The following CELF2 variants were observed in gnomAD, a reference collection of about 807,000 sequenced individuals.
The protein encoded by CELF2 is CUG triplet repeat RNA-binding protein 2.
In CELF2, 8 loss-of-function variants were observed where a neutral mutation model predicts 62.6. That is an observed-to-expected ratio of 0.13 (90% CI 0.07 to 0.23). The LOEUF is 0.23. Among genes scored for constraint, CELF2 ranks in the 10% least tolerant of loss-of-function variants. The pLI is 1.00. For missense variants in CELF2, 333 were observed against 671.0 expected (o/e 0.50, Z 5.56); for synonymous variants, 258 against 250.0 (o/e 1.03, Z -0.30).
At chr10:10,946,947 C>T (rs1031367663) in intron 2 of CELF2, 1 of 152,228 alleles carries the variant, frequency 6.6e-6, no homozygotes, top group African/African-American at 2.4e-5. Context: ...TTGAGTCTCT[C>T]TTCTGCCAAG....
intron 3 of CELF2, among the ~76,000 whole-genome samples, chr10:11,248,945 G>A (rs1589811193): frequency 6.6e-6 from 1 of 152,216 alleles, no homozygotes. Flanking sequence ...AATATGTTCT[G>A]TGTTACAGGG....
At chr10:11,118,087 T>G (rs1470354417) in intron 1 of CELF2, among the ~76,000 whole-genome samples, 1 of 152,190 alleles carries the variant, frequency 6.6e-6, no homozygotes, top group African/African-American at 2.4e-5. Context: ...TTTTTAGTTT[T>G]GCAGAAGTAT....
Position 10,927,426 on chromosome 10 carries a change from C to G in CELF2, c.89+7427C>G, listed in dbSNP as rs564995137. 5.6e-4 allele frequency among the ~76,000 whole-genome samples: 82 copies of G among 146,902 alleles called. 1 individual carries two copies. The highest frequency in any genetic ancestry group is 1.2e-4 in the Non-Finnish European group (8 of 66,980). On this transcript the variant is annotated intron_variant, in intron 2 of 13. Transcript: ENST00000636488. Reference sequence around the variant, plus strand: ...TGTTGGCTCAACCTCCAAAATGTATCTTTATTTATTTATTTTTTTTGAAAT... The same window carrying G: ...TGTTGGCTCAACCTCCAAAATGTATGTTTATTTATTTATTTTTTTTGAAAT...
the CELF2 span, among the ~76,000 whole-genome samples, chr10:10,691,408 G>C: frequency 9.8e-4 from 143 of 145,972 alleles, no homozygotes; most frequent in East Asian, 6.9e-3. Flanking sequence ...GTCTATCATT[G>C]TTGGACATTT....
In CELF2 at chr10:11,285,826, G is replaced by GGTGT. The variant is rs71378788; in HGVS notation, c.842-2543_842-2540dup. Reference sequence around the variant, plus strand: ...TTGCTCATCACCTACTATATATATTGGTGTGTGTGTGTGTGTGTGTGTGTG... The same window carrying GGTGT: ...TTGCTCATCACCTACTATATATATTGGTGTGTGTGTGTGTGTGTGTGTGTGTGTG... On this transcript the variant is annotated intron_variant, in intron 8 of 12. Transcript: ENST00000633077. The surrounding 1 kb of genome is among the most constrained non-coding windows in gnomAD (Gnocchi z 4.3). Among the ~76,000 whole-genome samples, 24 of 128,788 alleles carry GGTGT rather than the reference G, an allele frequency of 1.9e-4. No individual in the cohort carries two copies. The highest frequency in any genetic ancestry group is 5.6e-4 in the African/African-American group (19 of 34,028). The allele number at this position is 128,788 out of a possible 152,430, so 84.5% of individuals were successfully genotyped here.
At chr10:11,185,718 A>G (rs2074691467) in intron 2 of CELF2, among the ~76,000 whole-genome samples, 1 of 152,210 alleles carries the variant, frequency 6.6e-6, no homozygotes, top group Admixed American at 6.5e-5. Context: ...CTGGCTGGTC[A>G]TAATGATTTT....
intron 1 of CELF2, among the ~76,000 whole-genome samples, chr10:11,051,721 G>A (rs1397905651): frequency 6.6e-6 from 1 of 152,238 alleles, no homozygotes; most frequent in Non-Finnish European, 1.5e-5. Context: ...CAGGGGACCC[G>A]ATTTGACTGG....
chr10:10,679,219 C>T, the CELF2 span, among the ~76,000 whole-genome samples: 1 of 152,150 alleles, frequency 6.6e-6, no homozygotes, highest in African/African-American at 2.4e-5. Context: ...TTAGTGACTG[C>T]TCTCTTCATG....
intron 1 of CELF2, chr10:11,164,969 C>A: frequency 1.4e-6 from 1 of 731,884 alleles, no homozygotes; most frequent in Non-Finnish European, 1.7e-6. Context: ...CCAAGTGTTT[C>A]ATTTTCTTTC....
In CELF2 at chr10:11,311,062, A is replaced by G. The variant is rs2094536118; in HGVS notation, c.977-3077A>G. Among the ~76,000 whole-genome samples the G allele has an allele frequency of 6.6e-6, 1 of 152,172 alleles. No homozygotes were observed. Among genetic ancestry groups the G allele is most frequent in the Non-Finnish European group, 1.5e-5 (1 of 68,022 alleles). ...AGGAAGTCCAAGGCTCCTGTGCAGTATCTAATAGGAGACCCTCCCCATACG... is the reference window on the plus strand; with the variant it reads ...AGGAAGTCCAAGGCTCCTGTGCAGTGTCTAATAGGAGACCCTCCCCATACG... On this transcript the variant is annotated intron_variant, in intron 9 of 12. Coordinates refer to ENST00000633077, the MANE Select transcript of CELF2 (RefSeq NM_001326342.2). The surrounding 1 kb of genome is among the most constrained non-coding windows in gnomAD (Gnocchi z 4.7).
At chr10:10,684,177 G>A in the CELF2 span, among the ~76,000 whole-genome samples, 458 of 152,300 alleles carry the variant, frequency 3.0e-3, no homozygotes, top group Non-Finnish European at 4.9e-3. Flanking sequence ...GTCAACAGAT[G>A]AGCAAACATT....
the CELF2 span, among the ~76,000 whole-genome samples, chr10:10,605,607 A>G: frequency 6.6e-6 from 1 of 152,340 alleles, no homozygotes. Flanking sequence ...TCAAACGTGA[A>G]ATCAGCTTAG....
At chr10:11,081,020 A>T (rs1035648553) in intron 1 of CELF2, among the ~76,000 whole-genome samples, 2 of 152,142 alleles carry the variant, frequency 1.3e-5, no homozygotes, top group African/African-American at 4.8e-5. Flanking sequence ...AATTTCTCAG[A>T]TGTTGCTTTA....
chr10:10,598,762 T>C, the CELF2 span, among the ~76,000 whole-genome samples: 104 of 131,554 alleles, frequency 7.9e-4, 2 homozygotes, highest in African/African-American at 2.6e-3. Context: ...TTTTTTTTTT[T>C]TTTTTTTTTT....
chr10:10,555,117 GGTGACACC>G, the CELF2 span, among the ~76,000 whole-genome samples: 5 of 152,006 alleles, frequency 3.3e-5, no homozygotes, highest in South Asian at 4.2e-4. Context: ...AAAGCCATAG[GGTGACACC>G]GTGGTTTTTT....
the CELF2 span, among the ~76,000 whole-genome samples, chr10:10,589,109 T>C: frequency 6.6e-6 from 1 of 152,196 alleles, no homozygotes; most frequent in Admixed American, 6.5e-5. Flanking sequence ...AATTAATAGA[T>C]GTACGATGTA....
chr10:10,606,381 T>C, the CELF2 span, among the ~76,000 whole-genome samples: 1 of 152,248 alleles, frequency 6.6e-6, no homozygotes, highest in African/African-American at 2.4e-5. Context: ...TAAAGACAAT[T>C]ACATAAATTC....
the CELF2 span, among the ~76,000 whole-genome samples, chr10:10,699,305 T>C: frequency 6.6e-6 from 1 of 152,326 alleles, no homozygotes; most frequent in Non-Finnish European, 1.5e-5. Flanking sequence ...ATGACAGTAA[T>C]TATTCAATCA....
chr10:11,077,250 C>T (rs188589740), intron 1 of CELF2, among the ~76,000 whole-genome samples: 1 of 152,318 alleles, frequency 6.6e-6, no homozygotes, highest in East Asian at 1.9e-4. Flanking sequence ...TGTGTGCCAA[C>T]ACCAGAACAA....
Sources: gnomAD v4.1 joint callset for allele counts (sites outside exome capture counted in the v4.1 genomes callset) on GRCh38, gnomAD v4.1.1 for gene constraint, Gnocchi (gnomAD v3.1) non-coding constraint, MANE v1.5 for transcripts, NCBI Gene and HGNC (gene_info 2026-07-23, HGNC 2026-07-21) for gene names.